Variants in CHRNA7 observed in about 807,000 individuals in gnomAD.
CHRNA7 encodes the protein cholinergic receptor nicotinic alpha 7 subunit.
A neutral mutation model predicts 48.0 loss-of-function variants in CHRNA7; 17 were observed. The ratio of observed to expected loss-of-function variants is 0.35; its 90% CI spans 0.24 to 0.53. The LOEUF is 0.53. Among genes scored for constraint, CHRNA7 ranks in the 20% least tolerant of loss-of-function variants. The probability of loss-of-function intolerance (pLI) is 0.92; values close to 1 mark genes in which losing one functional copy is unlikely to be tolerated. For missense variants in CHRNA7, 155 were observed against 577.7 expected, an observed-to-expected ratio of 0.27 and a Z score of 7.50; for synonymous variants, 75 against 242.3, an observed-to-expected ratio of 0.31 and a Z score of 6.41.
chr15:32,104,261 C>T (rs1316193028), intron 3 of CHRNA7, among the ~76,000 whole-genome samples: 1 of 151,834 alleles, frequency 6.6e-6, no homozygotes, highest in East Asian at 1.9e-4. Context: ...ACACACGTCA[C>T]CCGAGCCCGT....
intron 2 of CHRNA7, among the ~76,000 whole-genome samples, chr15:32,087,143 C>T (rs2050311115): frequency 6.6e-6 from 1 of 152,068 alleles, no homozygotes; most frequent in Admixed American, 6.6e-5. Flanking sequence ...TCCTTCACCC[C>T]ATTTATTTAT....
chr15:32,143,794 T>C (rs2051430879), intron 4 of CHRNA7, among the ~76,000 whole-genome samples: 1 of 152,178 alleles, frequency 6.6e-6, no homozygotes, highest in Non-Finnish European at 1.5e-5. Context: ...CATCCCTTCA[T>C]TTTGAGCCTA....
At chr15:32,145,402 C>T (rs6494249) in intron 4 of CHRNA7, among the ~76,000 whole-genome samples, 21,586 of 152,158 alleles carry the variant, frequency 0.14, 1,638 homozygotes, top group East Asian at 0.35. Context: ...GGCAGTCTAT[C>T]CATTCTCAGA....
intron 3 of CHRNA7, 78 bp from the exon 4 acceptor site, chr15:32,111,712 C>T: frequency 1.3e-6 from 1 of 792,764 alleles, no homozygotes. Context: ...TTTGGTTTTG[C>T]ACTTACCTAA....
chr15:32,072,196 T>G (rs2050068916), intron 2 of CHRNA7, among the ~76,000 whole-genome samples: 1 of 152,206 alleles, frequency 6.6e-6, no homozygotes, highest in Non-Finnish European at 1.5e-5. Context: ...GTATTCATGT[T>G]CTAGGGATTT....
chr15:32,089,218 A>C (rs1008961938), intron 2 of CHRNA7, among the ~76,000 whole-genome samples: 11 of 152,040 alleles, frequency 7.2e-5, no homozygotes, highest in African/African-American at 2.7e-4. Flanking sequence ...TATTCTTTCA[A>C]CTATTCTTTC....
chr15:32,039,508 CTTT>C (rs1309824293), intron 2 of CHRNA7, among the ~76,000 whole-genome samples: 4 of 152,058 alleles, frequency 2.6e-5, no homozygotes, highest in Non-Finnish European at 4.4e-5. Context: ...GAGAATTCTT[CTTT>C]GAGGCATATA....
chr15:32,100,258 G>A (rs1354567989), intron 2 of CHRNA7: 2 of 152,000 alleles, frequency 1.3e-5, no homozygotes, highest in Non-Finnish European at 2.9e-5. Context: ...GGGAGCTTGA[G>A]GTTTCAGCTT....
At chr15:32,058,949 AC>A (rs2049831595) in intron 2 of CHRNA7, among the ~76,000 whole-genome samples, 1 of 152,074 alleles carries the variant, frequency 6.6e-6, no homozygotes, top group African/African-American at 2.4e-5. Context: ...GTTCTTAATG[AC>A]TGTACCTGTC....
intron 3 of CHRNA7, among the ~76,000 whole-genome samples, chr15:32,104,393 GTCT>G (rs1484946120): frequency 6.6e-6 from 1 of 151,942 alleles, no homozygotes; most frequent in East Asian, 1.9e-4. Flanking sequence ...TCTTCATTGA[GTCT>G]TCTTTGAGCT....
At chr15:32,045,248 G>C (rs142493334) in intron 2 of CHRNA7, among the ~76,000 whole-genome samples, 7 of 152,052 alleles carry the variant, frequency 4.6e-5, no homozygotes, top group Middle Eastern at 3.4e-3. Context: ...TCTGTTACAT[G>C]GTCTGTGCTC....
intron 4 of CHRNA7, among the ~76,000 whole-genome samples, chr15:32,130,645 A>G (rs778450515): frequency 3.8e-4 from 57 of 150,810 alleles, no homozygotes; most frequent in Non-Finnish European, 2.8e-4. Flanking sequence ...TTTTATTTAT[A>G]GTGTTTTTGA....
chr15:32,108,371 G>A lies in CHRNA7; in HGVS notation c.241-3419G>A, dbSNP rs1262851398. On this transcript the variant is annotated intron_variant, in intron 3 of 9. Coordinates refer to ENST00000306901, the MANE Select transcript of CHRNA7 (RefSeq NM_000746.6). Reference sequence around the variant, plus strand: ...CTCCTCTAAATGTGATTGTCTGGGAGTCTAGGTTCATTGACGCTTCTTTTC... The same window carrying A: ...CTCCTCTAAATGTGATTGTCTGGGAATCTAGGTTCATTGACGCTTCTTTTC... Among the ~76,000 whole-genome samples the A allele has an allele frequency of 5.3e-5, 8 of 152,344 alleles. No homozygotes were observed. In the East Asian group the frequency reaches 1.5e-3, roughly 29 times the overall value.
At chr15:32,083,469 A>G (rs931713048) in intron 2 of CHRNA7, among the ~76,000 whole-genome samples, 5 of 152,152 alleles carry the variant, frequency 3.3e-5, no homozygotes, top group Non-Finnish European at 7.3e-5. Flanking sequence ...GCAACACAAA[A>G]CAGACCAAGA....
chr15:32,065,646 T>TGA (rs2049952122), intron 2 of CHRNA7, among the ~76,000 whole-genome samples: 1 of 152,270 alleles, frequency 6.6e-6, no homozygotes, highest in Admixed American at 6.5e-5. Context: ...GGCCTTAGAC[T>TGA]CTCACCTCTG....
At chr15:32,054,741 G>A (rs2049755577) in intron 2 of CHRNA7, among the ~76,000 whole-genome samples, 1 of 152,114 alleles carries the variant, frequency 6.6e-6, no homozygotes, top group Admixed American at 6.6e-5. Flanking sequence ...GTTGTCTGTA[G>A]CTCTTCTTTC....
At chr15:32,087,775 A>C (rs1263893135) in intron 2 of CHRNA7, among the ~76,000 whole-genome samples, 1 of 152,182 alleles carries the variant, frequency 6.6e-6, no homozygotes, top group Non-Finnish European at 1.5e-5. Context: ...AACTTCATCA[A>C]GTAGAGTGCA....
chr15:32,072,638 G>C (rs1394700965), intron 2 of CHRNA7, among the ~76,000 whole-genome samples: 1 of 152,198 alleles, frequency 6.6e-6, no homozygotes, highest in Non-Finnish European at 1.5e-5. Flanking sequence ...TCTGAGGCCA[G>C]AGCTGAGGCA....
At chr15:32,074,438 G>A (rs2050104745) in intron 2 of CHRNA7, among the ~76,000 whole-genome samples, 1 of 149,516 alleles carries the variant, frequency 6.7e-6, no homozygotes, top group Admixed American at 6.6e-5. Context: ...AAACGTCTTT[G>A]CCTTGTTTCC....
Sources: allele counts gnomAD v4.1 joint callset (sites outside exome capture counted in the v4.1 genomes callset), GRCh38; gene constraint gnomAD v4.1.1; transcripts MANE v1.5; gene names NCBI Gene and HGNC (gene_info 2026-07-23, HGNC 2026-07-21).